Variants in TRAFD1 observed in about 807,000 individuals in gnomAD.
The protein encoded by TRAFD1 is TRAF-type zinc finger domain-containing protein 1.
Under a neutral mutation model 65.3 loss-of-function variants are expected in TRAFD1, and 38 were observed. The observed-to-expected ratio is 0.58, with a 90% CI of 0.45 to 0.76. The LOEUF is 0.76. Among genes scored for constraint, TRAFD1 ranks in the 30% least tolerant of loss-of-function variants. The pLI is 0.00. For missense variants in TRAFD1, 631 were observed against 712.6 expected, an observed-to-expected ratio of 0.89 and a Z score of 1.30; for synonymous variants, 223 against 257.2, an observed-to-expected ratio of 0.87 and a Z score of 1.27.
chr12:112,130,384 A>C lies in TRAFD1; in HGVS notation c.-12-127A>C. On this transcript the variant is annotated intron_variant, in intron 1 of 11. Coordinates refer to ENST00000412615, the MANE Select transcript of TRAFD1 (RefSeq NM_006700.3). The surrounding 1 kb of genome is among the most constrained non-coding windows in gnomAD (Gnocchi z 4.4). ...AAAATCCCAAGGGACTGGATATTGAATAAAATGCTTTAACATGCAGGTTTG... is the reference window on the plus strand; with the variant it reads ...AAAATCCCAAGGGACTGGATATTGACTAAAATGCTTTAACATGCAGGTTTG... The C allele has an allele frequency of 1.7e-6, 1 of 595,974 alleles. No individual in the cohort carries two copies. The highest frequency in any genetic ancestry group is 2.4e-5 in the South Asian group (1 of 42,542). 36.9% of individuals were successfully genotyped at this position (595,974 alleles called of 1,614,324 possible).
At position 112,137,124 on chromosome 12, in the gene TRAFD1, G is replaced by A. The variant is rs1355245940; in HGVS notation, c.237+2058G>A. Among the ~76,000 whole-genome samples the A allele has an allele frequency of 3.3e-5, 5 of 152,298 alleles. No homozygotes were observed. The highest frequency in any genetic ancestry group is 1.2e-4 in the African/African-American group (5 of 41,552). The stretch of plus-strand genomic sequence containing the variant: ...TGAAATCCCAGCTACTCAGAAGGCT[G>A]AGGCAGGAGAATTGCTTGAACCTGG... On this transcript the variant is annotated intron_variant, in intron 4 of 11. Coordinates refer to ENST00000412615, the MANE Select transcript of TRAFD1 (RefSeq NM_006700.3). This position sits in a 1 kb window ranked among gnomAD's most constrained non-coding sequence, Gnocchi z 4.2.
At chr12:112,136,002 C>T (rs1057482871) in intron 4 of TRAFD1, among the ~76,000 whole-genome samples, 5 of 150,530 alleles carry the variant, frequency 3.3e-5, no homozygotes, top group African/African-American at 4.9e-5. Context: ...ATTAGCTGGG[C>T]GTGGAGGTGT....
chr12:112,143,331 G>A (rs1243761544), intron 6 of TRAFD1, among the ~76,000 whole-genome samples: 3 of 151,914 alleles, frequency 2.0e-5, no homozygotes, highest in African/African-American at 7.3e-5. Context: ...CGCCTGCCTC[G>A]GCCTCCCAAA....
At chr12:112,126,250 G>T (rs182132853) in intron 1 of TRAFD1, 2 of 152,256 alleles carry the variant, frequency 1.3e-5, no homozygotes, top group African/African-American at 4.8e-5. Context: ...CTGCCTTGGG[G>T]TATCTGGACC....
In TRAFD1 at chr12:112,142,268, G is replaced by A. The variant is rs114577048; in HGVS notation, c.823G>A (p.Gly275Ser). The change falls in exon 6 of 12, where the codon GGT becomes AGT. Residue 275 changes from glycine to serine, a missense_variant. Coordinates refer to ENST00000412615, the MANE Select transcript of TRAFD1 (RefSeq NM_006700.3). ...ATGTGAGGCCGACCAGTCTCATGGC[G>A]GTCCCAGGTCTCTCAGTGACATAAA... is the stretch of plus-strand genomic sequence containing the variant. ...AVCEADQSHG[G>S]PRSLSDIKGA... 2.0e-5 allele frequency: 33 copies of A among 1,613,532 alleles called. No homozygotes were observed. In the Admixed American group the frequency reaches 2.7e-4, roughly 13 times the overall value.
intron 4 of TRAFD1, among the ~76,000 whole-genome samples, chr12:112,139,273 C>T (rs2030015808): frequency 6.6e-6 from 1 of 151,856 alleles, no homozygotes; most frequent in Non-Finnish European, 1.5e-5. Flanking sequence ...TTGCTTGAGC[C>T]CAGGAGGTCA....
intron 2 of TRAFD1, among the ~76,000 whole-genome samples, chr12:112,132,509 A>C (rs2079571415): frequency 6.6e-6 from 1 of 152,220 alleles, no homozygotes; most frequent in Non-Finnish European, 1.5e-5. Context: ...TAGTTTCCTT[A>C]GAAAGCTAAA....
At chr12:112,142,551 G>A (rs958584368) in intron 6 of TRAFD1, among the ~76,000 whole-genome samples, 1 of 151,622 alleles carries the variant, frequency 6.6e-6, no homozygotes, top group African/African-American at 2.4e-5. Flanking sequence ...AAGTAGCTGG[G>A]ATTACAGGTG....
Position 112,135,044 on chromosome 12 carries a change from A to G in TRAFD1, c.215A>G (p.Lys72Arg). The G allele has an allele frequency of 6.2e-7, 1 of 1,614,250 alleles. No individual in the cohort carries two copies. The highest frequency in any genetic ancestry group is 8.5e-7 in the Non-Finnish European group (1 of 1,180,042). The change falls in exon 4 of 12, where the codon AAG (lysine) becomes AGG (arginine). Residue 72 changes from lysine to arginine, a missense_variant. Lys to Arg is a conservative substitution (Grantham distance 26, BLOSUM62 2). Transcript: ENST00000412615. ...TGCAAATGTAACAAGAAGTTGGAGA[A>G]GAGGCTGTTAAAGAAGCATGAGGTT... is the stretch of plus-strand genomic sequence containing the variant. ...VTCKCNKKLE[K>R]RLLKKHEETE... is the part of the protein sequence containing the mutation.
At chr12:112,148,597 C>T (rs1402915347) in intron 8 of TRAFD1, among the ~76,000 whole-genome samples, 1 of 152,222 alleles carries the variant, frequency 6.6e-6, no homozygotes, top group Non-Finnish European at 1.5e-5. Context: ...GTTTAGATGA[C>T]AGTCTCCCTG....
intron 8 of TRAFD1, chr12:112,149,210 T>G (rs1221035462): frequency 6.6e-6 from 1 of 151,956 alleles, no homozygotes; most frequent in East Asian, 1.9e-4. Context: ...AGAGCGAGAC[T>G]CTGTCTCAAA....
In TRAFD1 at chr12:112,153,364, C is replaced by T. The variant is rs1375578417; in HGVS notation, c.*573C>T. On this transcript the variant is annotated 3_prime_UTR_variant, in exon 12 of 12. Coordinates refer to ENST00000412615, the MANE Select transcript of TRAFD1 (RefSeq NM_006700.3). The stretch of plus-strand genomic sequence containing the variant: ...CCGGGGGCTGTGTTTTAAGCTGCTT[C>T]CTTGGCATTTGGCATCACTGCCTTC... 3.9e-5 allele frequency: 6 copies of T among 152,416 alleles called. No homozygotes were observed. The highest frequency in any genetic ancestry group is 3.9e-4 in the Admixed American group (6 of 15,248). 9.4% of individuals were successfully genotyped at this position (152,416 alleles called of 1,614,324 possible).
intron 2 of TRAFD1, among the ~76,000 whole-genome samples, chr12:112,131,747 G>C (rs931243091): frequency 1.3e-5 from 2 of 152,130 alleles, no homozygotes; most frequent in African/African-American, 4.8e-5. Context: ...TTAGTATTTG[G>C]TCTGGTTGGA....
intron 2 of TRAFD1, among the ~76,000 whole-genome samples, chr12:112,131,800 A>G (rs1349749701): frequency 2.0e-5 from 3 of 152,220 alleles, no homozygotes; most frequent in Non-Finnish European, 4.4e-5. Flanking sequence ...TTAAAAGAAA[A>G]AAACCCAGCA....
At chr12:112,145,396 T>C (rs2030210305) in intron 6 of TRAFD1, among the ~76,000 whole-genome samples, 190 bp from the exon 7 acceptor site, 1 of 152,198 alleles carries the variant, frequency 6.6e-6, no homozygotes, top group South Asian at 2.1e-4. Context: ...TGTTTTGTCA[T>C]GGAAGTTTTG....
chr12:112,135,302 CTA>C (rs1348996516), intron 4 of TRAFD1, among the ~76,000 whole-genome samples: 1 of 152,186 alleles, frequency 6.6e-6, no homozygotes, highest in Non-Finnish European at 1.5e-5. Flanking sequence ...GGAACTGAGT[CTA>C]TTATTTCTGT....
intron 7 of TRAFD1, among the ~76,000 whole-genome samples, chr12:112,146,075 C>T (rs561384525): frequency 8.8e-5 from 13 of 148,510 alleles, no homozygotes; most frequent in Non-Finnish European, 1.6e-4. Context: ...TGCTAAATGA[C>T]GAGTTAATGG....
intron 8 of TRAFD1, 160 bp from the exon 9 acceptor site, chr12:112,149,591 G>A (rs2030345687): frequency 1.1e-6 from 1 of 878,690 alleles, no homozygotes; most frequent in East Asian, 2.7e-5. Context: ...GGGATTGAAT[G>A]CAACCATTCC....
At chr12:112,151,478 C>T (rs1432581714) in intron 9 of TRAFD1, among the ~76,000 whole-genome samples, 1 of 151,002 alleles carries the variant, frequency 6.6e-6, no homozygotes, top group Non-Finnish European at 1.5e-5. Context: ...CTGCAGTCTT[C>T]ACCTCCTGGG....
Sources: gnomAD v4.1 joint callset for allele counts (sites outside exome capture counted in the v4.1 genomes callset) on GRCh38, gnomAD v4.1.1 for gene constraint, Gnocchi (gnomAD v3.1) non-coding constraint, MANE v1.5 for transcripts, NCBI Gene and HGNC (gene_info 2026-07-23, HGNC 2026-07-21) for gene names.